CMKLR2: variants seen among roughly 807,000 people sequenced by gnomAD.
CMKLR2 encodes the protein chemerin chemokine-like receptor 2, also known as chemerin-like receptor 2.
Under a neutral mutation model 23.0 loss-of-function variants are expected in CMKLR2, and 18 were observed. The ratio of observed to expected loss-of-function variants is 0.78; its 90% CI spans 0.54 to 1.16. CMKLR2 has a LOEUF of 1.16. Ranked by LOEUF, CMKLR2 falls within the 50% of genes most tolerant of loss-of-function variation. The probability of loss-of-function intolerance (pLI) is 0.00; values close to 1 mark genes in which losing one functional copy is unlikely to be tolerated. For synonymous variants in CMKLR2, 158 were observed against 158.9 expected (o/e 0.99, Z 0.05); for missense variants, 401 against 412.7 (o/e 0.97, Z 0.25).
intron 1 of CMKLR2, among the ~76,000 whole-genome samples, chr2:206,192,067 ACTT>A (rs1402014450): frequency 6.6e-6 from 1 of 150,586 alleles, no homozygotes; most frequent in Admixed American, 6.6e-5. Flanking sequence ...CTGGTCTTGA[ACTT>A]CTGACCTCGT....
At chr2:206,185,695 T>G (rs1287218179) in intron 1 of CMKLR2, among the ~76,000 whole-genome samples, 1 of 152,026 alleles carries the variant, frequency 6.6e-6, no homozygotes, top group East Asian at 1.9e-4. Flanking sequence ...AGATAGAAAA[T>G]TATTGCAATA....
At chr2:206,200,972 G>A (rs1280666139) in intron 1 of CMKLR2, among the ~76,000 whole-genome samples, 5 of 151,858 alleles carry the variant, frequency 3.3e-5, no homozygotes, top group South Asian at 2.1e-4. Context: ...ATTTTTTAGC[G>A]GTAGGGTCTC....
In CMKLR2 at chr2:206,177,032, G is replaced by T; in HGVS notation, c.216C>A (p.Thr72=). 6.2e-7 allele frequency: 1 copy of T among 1,614,120 alleles called. No individual in the cohort carries two copies. Among genetic ancestry groups the T allele is most frequent in the South Asian group, 1.1e-5 (1 of 91,084 alleles). The stretch of plus-strand genomic sequence containing the variant: ...TGGCTAGATTGAGGAACCACAGAGT[G>T]GTGACTGTCTTCTTCCACTTGAACC... The part of the protein sequence containing the change: ...FTGFKWKKTV[T]TLWFLNLAIA... The change falls in exon 2 of 2, where the codon ACC becomes ACA. Residue 72 remains threonine (T), a synonymous_variant. Coordinates refer to ENST00000621141, the MANE Select transcript of CMKLR2 (RefSeq NM_001389445.1).
chr2:206,188,878 C>A (rs944903776), intron 1 of CMKLR2, among the ~76,000 whole-genome samples: 1 of 152,094 alleles, frequency 6.6e-6, no homozygotes, highest in Non-Finnish European at 1.5e-5. Context: ...AGAGTTCTGG[C>A]AGAAAGTGTA....
At chr2:206,217,842 G>A (rs1480768333), upstream of CMKLR2, 4 of 152,242 alleles carry the variant, frequency 2.6e-5, no homozygotes, top group Non-Finnish European at 4.4e-5. Context: ...TGGCTGCTGC[G>A]GGAAAGTGCG....
At chr2:206,206,197 T>C (rs1428604259) in intron 1 of CMKLR2, among the ~76,000 whole-genome samples, 4 of 152,236 alleles carry the variant, frequency 2.6e-5, no homozygotes, top group African/African-American at 2.4e-5. Context: ...TCTAAATTTT[T>C]CCCAACTTGT....
chr2:206,210,114 C>T (rs1230991592), intron 1 of CMKLR2, among the ~76,000 whole-genome samples: 1 of 151,904 alleles, frequency 6.6e-6, no homozygotes, highest in Non-Finnish European at 1.5e-5. Context: ...CAGGTGTGCG[C>T]CACCATGACT....
At chr2:206,180,378 A>G (rs1688370801) in intron 1 of CMKLR2, among the ~76,000 whole-genome samples, 1 of 152,030 alleles carries the variant, frequency 6.6e-6, no homozygotes, top group Non-Finnish European at 1.5e-5. Context: ...GACCCTTGAA[A>G]AACATGGGGG....
At chr2:206,204,178 C>T (rs541965319) in intron 1 of CMKLR2, among the ~76,000 whole-genome samples, 12 of 151,928 alleles carry the variant, frequency 7.9e-5, no homozygotes, top group African/African-American at 2.9e-4. Flanking sequence ...TGGTGAAACC[C>T]CGTCTTTACT....
rs1248713445 is a variant in CMKLR2 at position 206,176,369 on chromosome 2, T to G, written c.879A>C (p.Ala293=). 1.2e-6 allele frequency: 2 copies of G among 1,614,038 alleles called. No individual in the cohort carries two copies. The highest frequency in any genetic ancestry group is 1.7e-6 in the Non-Finnish European group (2 of 1,180,038). The change falls in exon 2 of 2, where the codon GCA becomes GCC. Residue 293 remains alanine, a synonymous_variant. Coordinates refer to ENST00000621141, the MANE Select transcript of CMKLR2 (RefSeq NM_001389445.1). ...QAGIPLSTGL[A]FLNSCLNPIL... ...TGGGGTTCAAGCAACTATTGAGGAA[T>G]GCCAAACCAGTGGAGAGGGGGATTC...
intron 1 of CMKLR2, among the ~76,000 whole-genome samples, chr2:206,189,509 C>G (rs956850327): frequency 3.9e-5 from 6 of 152,036 alleles, no homozygotes; most frequent in African/African-American, 1.4e-4. Flanking sequence ...GTTGTGCGTG[C>G]CTGTAGTCCC....
chr2:206,200,444 G>A (rs1219955070), intron 1 of CMKLR2, among the ~76,000 whole-genome samples: 1 of 152,180 alleles, frequency 6.6e-6, no homozygotes, highest in African/African-American at 2.4e-5. Context: ...GAAAAAGAAT[G>A]GTGGGTCATA....
intron 1 of CMKLR2, among the ~76,000 whole-genome samples, chr2:206,182,127 G>A (rs1215469051): frequency 6.6e-6 from 1 of 151,898 alleles, no homozygotes; most frequent in East Asian, 1.9e-4. Context: ...AGGGGCAGAG[G>A]GAGAAAATCT....
At chr2:206,217,219 GATGACT>G (rs1689782135), upstream of CMKLR2, 1 of 152,180 alleles carries the variant, frequency 6.6e-6, no homozygotes, top group South Asian at 2.1e-4. Context: ...CATACAGGGT[GATGACT>G]ATCTTGTGTA....
chr2:206,215,767 A>G (rs536774313), upstream of CMKLR2, among the ~76,000 whole-genome samples: 4 of 152,224 alleles, frequency 2.6e-5, no homozygotes, highest in East Asian at 3.8e-4. Context: ...GCTCAGGTGT[A>G]CTAGAGATAA....
rs543842330 is a variant in CMKLR2 at position 206,181,719 on chromosome 2, G to A, written c.-28-4444C>T. 5.2e-4 allele frequency among the ~76,000 whole-genome samples: 79 copies of A among 152,246 alleles called. No individual in the cohort carries two copies. In the Middle Eastern group the frequency reaches 0.01, roughly 20 times the overall value. Reference sequence around the variant, plus strand: ...TATAATCCCAGCACTTCGGGAGGCCGAGGTGGGTGAATCATCTAAGGTCAG... The same window carrying A: ...TATAATCCCAGCACTTCGGGAGGCCAAGGTGGGTGAATCATCTAAGGTCAG... On this transcript the variant is annotated intron_variant, in intron 1 of 1. Transcript: ENST00000621141.
intron 1 of CMKLR2, among the ~76,000 whole-genome samples, chr2:206,210,898 A>C (rs184445274): frequency 1.3e-5 from 2 of 152,314 alleles, no homozygotes; most frequent in Admixed American, 1.3e-4. Context: ...CGTTAAAGAG[A>C]AAGTTTTGTG....
At chr2:206,207,447 T>C (rs1398162206) in intron 1 of CMKLR2, among the ~76,000 whole-genome samples, 1 of 152,124 alleles carries the variant, frequency 6.6e-6, no homozygotes. Flanking sequence ...GCCTGTTGCT[T>C]ATAATTAAAA....
intron 1 of CMKLR2, among the ~76,000 whole-genome samples, chr2:206,201,408 G>A (rs1456528036): frequency 2.0e-5 from 3 of 152,142 alleles, no homozygotes; most frequent in East Asian, 1.9e-4. Flanking sequence ...AAAGAGATAC[G>A]TAATATTGAC....
Sources: allele counts gnomAD v4.1 joint callset (sites outside exome capture counted in the v4.1 genomes callset), GRCh38; gene constraint gnomAD v4.1.1; transcripts MANE v1.5; gene names NCBI Gene and HGNC (gene_info 2026-07-23, HGNC 2026-07-21).